SQSTM1: variants seen among roughly 807,000 people sequenced by gnomAD.
SQSTM1 encodes the protein sequestosome-1.
Under a neutral mutation model 45.1 loss-of-function variants are expected in SQSTM1, and 36 were observed. The observed-to-expected ratio is 0.80, with a 90% CI of 0.61 to 1.05. The LOEUF is 1.05. Ranked by LOEUF, SQSTM1 falls within the 50% of genes least tolerant of loss-of-function variation. The pLI, the probability that SQSTM1 is intolerant of heterozygous loss-of-function variation, is 0.00. For synonymous variants in SQSTM1, 290 were observed against 244.3 expected (o/e 1.19, Z -1.74); for missense variants, 617 against 607.1 (o/e 1.02, Z -0.17).
chr5:179,826,268 G>A (rs1757983468), intron 5 of SQSTM1, among the ~76,000 whole-genome samples: 1 of 152,022 alleles, frequency 6.6e-6, no homozygotes, highest in African/African-American at 2.4e-5. Context: ...GGGTTCAAGT[G>A]ATTCTCCTGC....
intron 1 of SQSTM1, among the ~76,000 whole-genome samples, chr5:179,822,298 C>G (rs1331111246): frequency 6.6e-6 from 1 of 152,108 alleles, no homozygotes; most frequent in African/African-American, 2.4e-5. Context: ...GTTGTGTGGA[C>G]AGGCCATGTT....
Position 179,833,062 on chromosome 5 carries a change from G to A in SQSTM1, c.785G>A (p.Gly262Glu), listed in dbSNP as rs1758313498. 3 of 1,614,198 alleles carry A rather than the reference G, an allele frequency of 1.9e-6. No homozygotes were observed. Among genetic ancestry groups the A allele is most frequent in the Non-Finnish European group, 2.5e-6 (3 of 1,180,040 alleles). Reference sequence around the variant, plus strand: ...GAAGTTGATATCGATGTGGAGCACGGAGGGAAAAGAAGCCGCCTGACCCCC... The same window carrying A: ...GAAGTTGATATCGATGTGGAGCACGAAGGGAAAAGAAGCCGCCTGACCCCC... ...GIEVDIDVEH[G>E]GKRSRLTPVS... Residue 262 changes from glycine (G) to glutamate (E), a missense_variant, in exon 6 of 8, where the codon GGA (glycine) becomes GAA (glutamate). By Grantham distance (98) the Gly-to-Glu change is moderately conservative (BLOSUM62 -2). Transcript: ENST00000389805.
intron 1 of SQSTM1, among the ~76,000 whole-genome samples, chr5:179,809,262 G>A (rs1404625415): frequency 1.7e-5 from 2 of 118,350 alleles, no homozygotes; most frequent in East Asian, 2.6e-4. Context: ...AGGTTCAAGC[G>A]ATTCTCCTGC....
intron 1 of SQSTM1, chr5:179,821,635 GCGGGGGACT>G (rs1486369536): frequency 1.2e-5 from 5 of 420,436 alleles, no homozygotes; most frequent in African/African-American, 1.1e-4. Context: ...GCGCGGGGGT[GCGGGGGACT>G]CGCGAGCGCC....
At position 179,824,197 on chromosome 5, in the gene SQSTM1, C is replaced by T. The variant is rs567433223; in HGVS notation, c.547C>T (p.Arg183Cys). The change falls in exon 4 of 8, where the codon CGC (arginine) becomes TGC (cysteine). Residue 183 changes from arginine to cysteine, a missense_variant. Arg to Cys is a radical substitution (Grantham distance 180, BLOSUM62 -3). Transcript: ENST00000389805. ...GHLSEGFSHS[R>C]WLRKVKHGHF... ...CCTCCCCCAGGGCTTCTCGCACAGCCGCTGGCTCCGGAAGGTGAAACACGG... is the reference window on the plus strand; with the variant it reads ...CCTCCCCCAGGGCTTCTCGCACAGCTGCTGGCTCCGGAAGGTGAAACACGG... 137 of 1,613,738 alleles carry T rather than the reference C, an allele frequency of 8.5e-5. 3 individuals carry two copies. In the South Asian group the frequency reaches 1.2e-3, roughly 14 times the overall value.
chr5:179,814,467 T>C (rs1397270725), upstream of SQSTM1, among the ~76,000 whole-genome samples: 1 of 152,192 alleles, frequency 6.6e-6, no homozygotes, highest in Non-Finnish European at 1.5e-5. Flanking sequence ...TAGGCTGGAT[T>C]ATGCTGCTCT....
intron 5 of SQSTM1, among the ~76,000 whole-genome samples, chr5:179,827,021 A>G (rs1220022665): frequency 1.3e-5 from 2 of 152,164 alleles, no homozygotes; most frequent in Non-Finnish European, 2.9e-5. Context: ...GAATTTGGAG[A>G]TATGAACAAG....
chr5:179,833,523 G>T lies in SQSTM1; in HGVS notation c.970-64G>T, dbSNP rs541708246. The T allele has an allele frequency of 1.6e-4, 258 of 1,573,554 alleles. No homozygotes were observed. In the African/African-American group the frequency reaches 2.7e-3, roughly 17 times the overall value. The stretch of plus-strand genomic sequence containing the variant: ...TCCCCGACTGTCTGCCAGGAGCCAG[G>T]GCCATGGTCAGGCTTGGCCTGTTGC... On this transcript the variant is annotated intron_variant, in intron 6 of 7. Transcript: ENST00000389805.
intron 6 of SQSTM1, 66 bp downstream of exon 6, chr5:179,833,312 CGCCTCATCCTCAGCACCTCT>C: frequency 7.0e-7 from 1 of 1,437,324 alleles, no homozygotes; most frequent in Non-Finnish European, 9.4e-7. Flanking sequence ...CCTGCACCTC[CGCCTCATCCTCAGCACCTCT>C]GCAGCCCCAC....
At chr5:179,818,731 T>C (rs1247901262), upstream of SQSTM1, 2 of 152,534 alleles carry the variant, frequency 1.3e-5, no homozygotes, top group African/African-American at 4.8e-5. Flanking sequence ...CCACGGGGCA[T>C]CGCCTGGGAG....
chr5:179,832,107 A>AT (rs574699900), intron 5 of SQSTM1, among the ~76,000 whole-genome samples: 67 of 152,290 alleles, frequency 4.4e-4, no homozygotes, highest in African/African-American at 1.5e-3. Flanking sequence ...TTAACAAAAA[A>AT]TTGCGTCTTG....
At chr5:179,833,942 G>A (rs954245523) in intron 7 of SQSTM1, among the ~76,000 whole-genome samples, 160 bp downstream of exon 7, 1 of 152,136 alleles carries the variant, frequency 6.6e-6, no homozygotes, top group African/African-American at 2.4e-5. Flanking sequence ...CCTATTATGT[G>A]TACCCTGAGC....
chr5:179,808,525 A>C (rs1757282713), intron 1 of SQSTM1: 1 of 152,364 alleles, frequency 6.6e-6, no homozygotes, highest in Middle Eastern at 3.4e-3. Context: ...GTTAAAACTT[A>C]GTCACCCAGA....
chr5:179,829,303 C>A (rs1232964635), intron 5 of SQSTM1, among the ~76,000 whole-genome samples: 1 of 152,154 alleles, frequency 6.6e-6, no homozygotes, highest in Non-Finnish European at 1.5e-5. Flanking sequence ...TTGAATGCCC[C>A]CAGAGAAGTG....
chr5:179,829,082 C>G (rs1418021462), intron 5 of SQSTM1, among the ~76,000 whole-genome samples: 1 of 152,178 alleles, frequency 6.6e-6, no homozygotes, highest in Admixed American at 6.5e-5. Context: ...GACTTCAGGG[C>G]CCACTTGGCC....
chr5:179,807,137 G>A (rs985960991), intron 1 of SQSTM1, among the ~76,000 whole-genome samples: 4 of 147,948 alleles, frequency 2.7e-5, no homozygotes, highest in Non-Finnish European at 4.4e-5. Context: ...AGGCTGGAGT[G>A]GGAGTGCAGG....
chr5:179,811,172 T>G (rs13163390), intron 1 of SQSTM1, among the ~76,000 whole-genome samples: 2 of 151,358 alleles, frequency 1.3e-5, no homozygotes, highest in Non-Finnish European at 2.9e-5. Flanking sequence ...GGCGGAGCTT[T>G]CAGTGAGCCG....
intron 4 of SQSTM1, among the ~76,000 whole-genome samples, chr5:179,824,727 G>A (rs539074927): frequency 1.1e-4 from 17 of 152,314 alleles, no homozygotes; most frequent in African/African-American, 3.1e-4. Flanking sequence ...AAGACTTACC[G>A]TTAGCTTTGT....
At chr5:179,826,875 C>T (rs10071544) in intron 5 of SQSTM1, among the ~76,000 whole-genome samples, 64,505 of 151,920 alleles carry the variant, frequency 0.42, 15,062 homozygotes, top group East Asian at 0.79. Context: ...GCCACCGAGC[C>T]CGGCCAAGAA....
Sources: allele counts gnomAD v4.1 joint callset (sites outside exome capture counted in the v4.1 genomes callset), GRCh38; gene constraint gnomAD v4.1.1; transcripts MANE v1.5; gene names NCBI Gene and HGNC (gene_info 2026-07-23, HGNC 2026-07-21).